Variants in ALKBH3 observed in about 807,000 individuals in gnomAD.
ALKBH3 encodes alpha-ketoglutarate-dependent dioxygenase alkB homolog 3.
Under a neutral mutation model 43.9 loss-of-function variants are expected in ALKBH3, and 51 were observed. That is an observed-to-expected ratio of 1.16 (90% confidence interval 0.93 to 1.47). ALKBH3 has a LOEUF of 1.47. Among genes scored for constraint, ALKBH3 ranks in the 40% most tolerant of loss-of-function variants. ALKBH3 has a pLI of 0.00. For missense variants in ALKBH3, 361 were observed against 351.9 expected (o/e 1.03, Z -0.21); for synonymous variants, 102 against 115.2 (o/e 0.89, Z 0.73).
intron 8 of ALKBH3, among the ~76,000 whole-genome samples, chr11:43,911,422 G>GAGTT (rs1951937910): frequency 6.6e-6 from 1 of 152,184 alleles, no homozygotes; most frequent in Non-Finnish European, 1.5e-5. Flanking sequence ...CCTGCTGGAG[G>GAGTT]AGTTCCTTCT....
Position 43,889,821 on chromosome 11 carries a change from C to A in ALKBH3, c.363C>A (p.Ile121=), listed in dbSNP as rs368878641. ...TTCCCTGGAAACAGAGGACTGGCAT[C>A]AGAGAGGGTAAGTAGATCCCAGAGG... ...QDVPWKQRTG[I]REDITYQQPR... The change falls in exon 6 of 10, where the codon ATC becomes ATA. Residue 121 remains isoleucine (I), a synonymous_variant. Coordinates refer to ENST00000302708, the MANE Select transcript of ALKBH3 (RefSeq NM_139178.4). 6.2e-6 allele frequency: 10 copies of A among 1,611,930 alleles called. No individual in the cohort carries two copies. In the African/African-American group the frequency reaches 1.3e-4, roughly 22 times the overall value.
chr11:43,900,595 T>C (rs1951856657), intron 7 of ALKBH3, among the ~76,000 whole-genome samples: 1 of 152,208 alleles, frequency 6.6e-6, no homozygotes, highest in African/African-American at 2.4e-5. Flanking sequence ...TCATAAAAAC[T>C]GACGGCTGTA....
chr11:43,882,022 G>A (rs1016875126), intron 1 of ALKBH3, among the ~76,000 whole-genome samples: 3 of 152,178 alleles, frequency 2.0e-5, no homozygotes, highest in Non-Finnish European at 4.4e-5. Context: ...TTTCCTGAGT[G>A]GCTTTGGGTG....
chr11:43,912,198 G>A (rs1406501042), intron 8 of ALKBH3: 1 of 152,164 alleles, frequency 6.6e-6, no homozygotes, highest in Admixed American at 6.5e-5. Context: ...TCATCACTTT[G>A]TTTTCCACCT....
intron 6 of ALKBH3, among the ~76,000 whole-genome samples, chr11:43,890,084 G>T (rs982682272): frequency 9.9e-5 from 15 of 152,130 alleles, no homozygotes; most frequent in African/African-American, 3.4e-4. Context: ...AAGGAAATTT[G>T]GTTGGCTGAA....
chr11:43,905,442 G>GT (rs36013210), intron 8 of ALKBH3, among the ~76,000 whole-genome samples: 8,012 of 144,796 alleles, frequency 0.055, 454 homozygotes, highest in Admixed American at 0.21. Flanking sequence ...TTTGTTTTTT[G>GT]TTTTTTTTTT....
chr11:43,882,489 A>C (rs1397358427), intron 1 of ALKBH3, 94 bp from the exon 2 acceptor site: 3 of 550,158 alleles, frequency 5.5e-6, no homozygotes, highest in Admixed American at 7.5e-5. Flanking sequence ...CTCTATTGCC[A>C]TTGAGAGTCT....
intron 7 of ALKBH3, among the ~76,000 whole-genome samples, chr11:43,893,787 G>T (rs1419382610): frequency 6.6e-6 from 1 of 152,082 alleles, no homozygotes; most frequent in Non-Finnish European, 1.5e-5. Context: ...TTCAGATTTG[G>T]CTGGCTCATA....
intron 4 of ALKBH3, among the ~76,000 whole-genome samples, chr11:43,885,687 A>T (rs886405340): frequency 6.6e-6 from 1 of 152,196 alleles, no homozygotes; most frequent in East Asian, 1.9e-4. Flanking sequence ...GTAAACCTTT[A>T]TTGCCCATCT....
chr11:43,910,336 T>A (rs186585267), intron 8 of ALKBH3: 124 of 152,352 alleles, frequency 8.1e-4, no homozygotes, highest in African/African-American at 2.7e-3. Context: ...CATATGTTGA[T>A]TGAATAAGCA....
intron 7 of ALKBH3, chr11:43,898,425 T>C: frequency 1.4e-6 from 1 of 733,066 alleles, no homozygotes; most frequent in Non-Finnish European, 2.5e-6. Flanking sequence ...GAGGCTGGCA[T>C]CATCACGACA....
chr11:43,907,109 G>T (rs1252582416), intron 8 of ALKBH3, among the ~76,000 whole-genome samples: 1 of 152,154 alleles, frequency 6.6e-6, no homozygotes, highest in Non-Finnish European at 1.5e-5. Context: ...CTCAGGGAGG[G>T]TAAGGTGGCC....
At chr11:43,913,714 G>A (rs543981778) in intron 8 of ALKBH3, among the ~76,000 whole-genome samples, 3 of 152,282 alleles carry the variant, frequency 2.0e-5, no homozygotes, top group South Asian at 2.1e-4. Context: ...AGATGACAAC[G>A]GTCTTAGACG....
intron 8 of ALKBH3, among the ~76,000 whole-genome samples, chr11:43,905,387 A>G (rs913367031): frequency 1.3e-5 from 2 of 151,124 alleles, no homozygotes; most frequent in Non-Finnish European, 2.9e-5. Flanking sequence ...TCATGTAGAC[A>G]TCATCTCTCG....
intron 5 of ALKBH3, among the ~76,000 whole-genome samples, chr11:43,887,293 G>A (rs1189623475): frequency 2.0e-5 from 3 of 152,066 alleles, no homozygotes. Flanking sequence ...GAGGAAATGA[G>A]ACCTAGGAAG....
chr11:43,900,652 T>G (rs1446373941), intron 7 of ALKBH3, among the ~76,000 whole-genome samples: 1 of 152,196 alleles, frequency 6.6e-6, no homozygotes, highest in Non-Finnish European at 1.5e-5. Context: ...ATTTCTCATG[T>G]AAAATTTGAG....
intron 8 of ALKBH3, among the ~76,000 whole-genome samples, chr11:43,913,986 T>TGCC (rs760205168): frequency 2.0e-5 from 3 of 152,218 alleles, no homozygotes; most frequent in Non-Finnish European, 2.9e-5. Context: ...AAATGGCTCA[T>TGCC]TGGCAGAGCA....
chr11:43,918,233 G>A (rs1951999202), intron 8 of ALKBH3, among the ~76,000 whole-genome samples: 1 of 152,206 alleles, frequency 6.6e-6, no homozygotes, highest in Non-Finnish European at 1.5e-5. Context: ...TTCAGCTGTG[G>A]AGGAGCCACA....
chr11:43,883,318 A>C, intron 3 of ALKBH3, 130 bp downstream of exon 3: 1 of 629,944 alleles, frequency 1.6e-6, no homozygotes, highest in Non-Finnish European at 2.7e-6. Flanking sequence ...CTATAATAAT[A>C]ATGAAATGAG....
Sources: gnomAD v4.1 joint callset for allele counts (sites outside exome capture counted in the v4.1 genomes callset) on GRCh38, gnomAD v4.1.1 for gene constraint, MANE v1.5 for transcripts, NCBI Gene and HGNC (gene_info 2026-07-23, HGNC 2026-07-21) for gene names.